Variants in ASB3 observed in about 807,000 individuals in gnomAD.
ASB3 encodes the protein ankyrin repeat and SOCS box protein 3.
A neutral mutation model predicts 54.5 loss-of-function variants in ASB3; 41 were observed. The observed-to-expected ratio is 0.75, with a 90% confidence interval of 0.59 to 0.98. The LOEUF is 0.98. ASB3 is among the 50% of genes least tolerant of loss of function. The probability of loss-of-function intolerance (pLI) is 0.00; values close to 1 mark genes in which losing one functional copy is unlikely to be tolerated. For synonymous variants in ASB3, 266 were observed against 221.2 expected, an observed-to-expected ratio of 1.20 and a Z score of -1.80; for missense variants, 733 against 620.0, an observed-to-expected ratio of 1.18 and a Z score of -1.94.
intron 3 of ASB3, among the ~76,000 whole-genome samples, chr2:53,738,470 G>C (rs13414472): frequency 0.17 from 25,720 of 152,144 alleles, 2,369 homozygotes; most frequent in African/African-American, 0.25. Context: ...TAAAATTTGA[G>C]TTCTTCAATC....
At chr2:53,695,692 C>T (rs1236829541) in intron 8 of ASB3, among the ~76,000 whole-genome samples, 3 of 152,020 alleles carry the variant, frequency 2.0e-5, no homozygotes, top group African/African-American at 4.8e-5. Flanking sequence ...CTACAGAGAC[C>T]ATTACATTGT....
chr2:53,684,401 T>C (rs1230644853), intron 9 of ASB3, among the ~76,000 whole-genome samples: 5 of 152,228 alleles, frequency 3.3e-5, no homozygotes, highest in African/African-American at 1.2e-4. Flanking sequence ...CTTTTACTAT[T>C]CCTGATAGTA....
intron 2 of ASB3, among the ~76,000 whole-genome samples, chr2:53,751,675 T>TA (rs796715873): frequency 0.011 from 1,621 of 145,242 alleles, 30 homozygotes; most frequent in African/African-American, 0.029. Context: ...AAACAGAAAA[T>TA]AAAAAAAAAA....
intron 7 of ASB3, among the ~76,000 whole-genome samples, 182 bp downstream of exon 7, chr2:53,714,202 T>A (rs1462975970): frequency 6.6e-6 from 1 of 152,208 alleles, no homozygotes; most frequent in Non-Finnish European, 1.5e-5. Context: ...CAATGTGATA[T>A]TATCACCTCA....
chr2:53,767,728 A>T, intron 1 of ASB3: 1 of 820,198 alleles, frequency 1.2e-6, no homozygotes, highest in East Asian at 2.7e-5. Context: ...CCGCTCGGAA[A>T]ATCTTTCTGG....
In ASB3 at chr2:53,729,467, A is replaced by C; in HGVS notation, c.459T>G (p.Ala153=). The change falls in exon 4 of 10, where the codon GCT becomes GCG. Residue 153 remains alanine (A), a synonymous_variant. Coordinates refer to ENST00000263634, the MANE Select transcript of ASB3 (RefSeq NM_016115.5). The part of the protein sequence containing the change: ...SMCGWNSLHQ[A]SFQENAEIIK... The stretch of plus-strand genomic sequence containing the variant: ...TAAATTCAGAGGTTACCTGAAAAGA[A>C]GCCTGGTGCAAGGAGTTCCATCCAC... The C allele has an allele frequency of 1.9e-6, 3 of 1,613,804 alleles. No individual in the cohort carries two copies. Among genetic ancestry groups the C allele is most frequent in the Non-Finnish European group, 1.7e-6 (2 of 1,179,762 alleles).
At chr2:53,783,799 G>C (rs1317809875) in intron 1 of ASB3, among the ~76,000 whole-genome samples, 1 of 152,214 alleles carries the variant, frequency 6.6e-6, no homozygotes, top group East Asian at 1.9e-4. Flanking sequence ...TGAAGTCTGT[G>C]GAAATTAAAT....
chr2:53,733,180 T>C (rs1671415500), intron 3 of ASB3, among the ~76,000 whole-genome samples: 1 of 152,112 alleles, frequency 6.6e-6, no homozygotes, highest in African/African-American at 2.4e-5. Context: ...GAGAAGGATA[T>C]CAAAGTATAA....
Position 53,786,939 on chromosome 2 carries a change from A to G in ASB3, c.-132T>C, listed in dbSNP as rs1675057517. 2 of 424,998 alleles carry G rather than the reference A, an allele frequency of 4.7e-6. No individual in the cohort carries two copies. The highest frequency in any genetic ancestry group is 5.3e-5 in the South Asian group (1 of 18,852). The allele number at this position is 424,998 out of a possible 1,614,324, so 26.3% of individuals were successfully genotyped here. ...GATGCTGCAGCCGTCCGAAAACGAG[A>G]GACGCGCAGGCGACGTCCCGGCCCC... On this transcript the variant is annotated 5_prime_UTR_variant, in exon 1 of 10. Transcript: ENST00000263634.
chr2:53,682,085 G>A (rs546730527), intron 9 of ASB3, among the ~76,000 whole-genome samples: 10 of 151,674 alleles, frequency 6.6e-5, no homozygotes, highest in Admixed American at 1.3e-4. Flanking sequence ...GCTTGAATCC[G>A]GGAGGCAGAG....
chr2:53,749,010 T>TA lies in ASB3; in HGVS notation c.355+1772dup, dbSNP rs537177349. 4.0e-5 allele frequency among the ~76,000 whole-genome samples: 6 copies of TA among 151,692 alleles called. No individual in the cohort carries two copies. In the South Asian group the frequency reaches 8.3e-4, roughly 21 times the overall value. On this transcript the variant is annotated intron_variant, in intron 3 of 9. Coordinates refer to ENST00000263634, the MANE Select transcript of ASB3 (RefSeq NM_016115.5). ...GTCTACCACTTAATCTCAAAAGGAT[T>TA]AAAAAAAATACAAAGAAGGAAATTA...
intron 1 of ASB3, among the ~76,000 whole-genome samples, chr2:53,775,603 G>A (rs754359908): frequency 8.5e-5 from 13 of 152,250 alleles, no homozygotes; most frequent in Admixed American, 3.3e-4. Context: ...AGCCTCCCGC[G>A]TAGCTGGGAT....
intron 7 of ASB3, among the ~76,000 whole-genome samples, chr2:53,711,027 G>C (rs116269847): frequency 0.01 from 1,544 of 152,208 alleles, 25 homozygotes; most frequent in African/African-American, 0.036. Flanking sequence ...CTACTCAAGA[G>C]GCTGAGGCAG....
intron 1 of ASB3, chr2:53,774,421 T>A (rs1674184622): frequency 1.1e-5 from 17 of 1,612,402 alleles, no homozygotes; most frequent in Non-Finnish European, 1.4e-5. Flanking sequence ...ACTTGCAAAT[T>A]CTATTAGGAA....
At chr2:53,759,898 A>G (rs1673048269) in intron 2 of ASB3, among the ~76,000 whole-genome samples, 1 of 151,940 alleles carries the variant, frequency 6.6e-6, no homozygotes, top group Admixed American at 6.6e-5. Flanking sequence ...ACCCTCACAG[A>G]GCCCCGGGTA....
At chr2:53,764,356 A>G (rs1673317176) in intron 2 of ASB3, among the ~76,000 whole-genome samples, 1 of 152,232 alleles carries the variant, frequency 6.6e-6, no homozygotes, top group South Asian at 2.1e-4. Flanking sequence ...TTAGAGTCAG[A>G]GAAATGGGTT....
At chr2:53,780,885 T>C (rs1234650341) in intron 1 of ASB3, among the ~76,000 whole-genome samples, 1 of 152,192 alleles carries the variant, frequency 6.6e-6, no homozygotes, top group Non-Finnish European at 1.5e-5. Flanking sequence ...AAAAAGGTGT[T>C]CATGTGTCAG....
intron 7 of ASB3, among the ~76,000 whole-genome samples, chr2:53,708,964 C>G (rs1669943099): frequency 6.6e-6 from 1 of 152,188 alleles, no homozygotes. Flanking sequence ...AATTTGCAGC[C>G]TGGCAAATGG....
chr2:53,694,132 C>T (rs1297176805), intron 8 of ASB3, 118 bp from the exon 9 acceptor site: 1 of 1,209,576 alleles, frequency 8.3e-7, no homozygotes, highest in Admixed American at 2.4e-5. Flanking sequence ...AGACAGAAAA[C>T]CAGGGCATGT....
Sources: gnomAD v4.1 joint callset for allele counts (sites outside exome capture counted in the v4.1 genomes callset) on GRCh38, gnomAD v4.1.1 for gene constraint, MANE v1.5 for transcripts, NCBI Gene and HGNC (gene_info 2026-07-23, HGNC 2026-07-21) for gene names.